Variants in SNX29 observed in about 807,000 individuals in gnomAD.
The protein encoded by SNX29 is sorting nexin-29.
In SNX29, 78 loss-of-function variants were observed where a neutral mutation model predicts 102.1. The observed-to-expected ratio is 0.76, with a 90% CI of 0.64 to 0.92. The LOEUF (loss-of-function observed/expected upper bound fraction) is 0.92. Ranked by LOEUF, SNX29 falls within the 40% of genes least tolerant of loss-of-function variation. The pLI is 0.00. For synonymous variants in SNX29, 580 were observed against 414.5 expected, an observed-to-expected ratio of 1.40 and a Z score of -4.85; for missense variants, 1,280 against 1,061.7, an observed-to-expected ratio of 1.21 and a Z score of -2.86.
chr16:12,561,923 C>A (rs144998163), intron 20 of SNX29, among the ~76,000 whole-genome samples: 2 of 152,136 alleles, frequency 1.3e-5, no homozygotes, highest in Non-Finnish European at 2.9e-5. Context: ...AGTTGCCTTC[C>A]AGGTGAGCTT....
intron 15 of SNX29, among the ~76,000 whole-genome samples, chr16:12,352,092 A>C (rs894534894): frequency 6.6e-6 from 1 of 152,226 alleles, no homozygotes; most frequent in African/African-American, 2.4e-5. Context: ...TGATTTAAAA[A>C]ATTTGATAGA....
chr16:12,442,143 G>C (rs1208939871), intron 18 of SNX29, among the ~76,000 whole-genome samples: 1 of 152,070 alleles, frequency 6.6e-6, no homozygotes, highest in East Asian at 1.9e-4. Flanking sequence ...TGGATACCCA[G>C]TTGTCCCAGC....
intron 14 of SNX29, among the ~76,000 whole-genome samples, chr16:12,268,451 G>T (rs919854047): frequency 1.3e-5 from 2 of 152,190 alleles, no homozygotes; most frequent in Non-Finnish European, 2.9e-5. Context: ...CTTGTTGCCC[G>T]TGTTTCTCCC....
chr16:12,321,901 G>T (rs944841889), intron 15 of SNX29, among the ~76,000 whole-genome samples: 1 of 152,210 alleles, frequency 6.6e-6, no homozygotes, highest in African/African-American at 2.4e-5. Context: ...AGGTGGCCCA[G>T]CGTGGATGAG....
chr16:12,129,459 C>G (rs1055141170), intron 12 of SNX29, among the ~76,000 whole-genome samples, 171 bp from the exon 13 acceptor site: 1 of 152,216 alleles, frequency 6.6e-6, no homozygotes, highest in Non-Finnish European at 1.5e-5. Flanking sequence ...CTAAGGCTAT[C>G]AATTAGAGTT....
chr16:12,072,116 G>A (rs548322758), intron 10 of SNX29, among the ~76,000 whole-genome samples: 58 of 152,296 alleles, frequency 3.8e-4, no homozygotes, highest in African/African-American at 1.3e-3. Context: ...TCTGCAAACA[G>A]GGACAATTTG....
Position 12,571,860 on chromosome 16 carries a change from A to G in SNX29, c.*3231A>G. ...AGTATGCTCCAATCACGTTGCTGGC[A>G]AGGCATTTTAGAGTTTGGAGCTGAG... is the stretch of plus-strand genomic sequence containing the variant. On this transcript the variant is annotated 3_prime_UTR_variant, in exon 21 of 21. Transcript: ENST00000566228. The G allele has an allele frequency of 2.8e-6, 3 of 1,061,030 alleles. No individual in the cohort carries two copies. Among genetic ancestry groups the G allele is most frequent in the Non-Finnish European group, 3.4e-6 (3 of 876,412 alleles). 65.7% of individuals were successfully genotyped at this position (1,061,030 alleles called of 1,614,324 possible).
chr16:12,536,146 G>C (rs74011365), intron 20 of SNX29, among the ~76,000 whole-genome samples: 1 of 152,204 alleles, frequency 6.6e-6, no homozygotes, highest in Non-Finnish European at 1.5e-5. Context: ...GCACTCGCCT[G>C]TGAGCGCAGA....
chr16:12,356,278 C>G lies in SNX29; in HGVS notation c.1898C>G (p.Pro633Arg), dbSNP rs751540938. ...CAGGAGCTCATCGATCTCCGGGGAC[C>G]GGTGAGTGTTTCCCCAACCCTGTGT... ...MRQELIDLRG[P>R]VPGDLSQTSE... Residue 633 changes from proline (P) to arginine (R), a missense_variant and splice_region_variant, in exon 16 of 21, where the codon CCG becomes CGG. Transcript: ENST00000566228. 1.3e-6 allele frequency: 2 copies of G among 1,596,850 alleles called. No individual in the cohort carries two copies. The highest frequency in any genetic ancestry group is 1.1e-5 in the South Asian group (1 of 87,882).
Position 12,568,629 on chromosome 16 carries a change from A to T in SNX29, c.2442A>T (p.Ter814CysextTer36). The change falls in exon 21 of 21, where the codon TGA (stop) becomes TGT (cysteine). Residue 814 changes from the stop codon to cysteine, a stop_lost. Transcript: ENST00000566228. The part of the protein sequence containing the change: ...RNVEPQSGDL[*>C] ...TGGAGCCCCAGAGCGGTGACCTCTG[A>T]CCTCGACAAAACCGCAGCCACGGGC... 1.9e-6 allele frequency: 3 copies of T among 1,602,420 alleles called. No individual in the cohort carries two copies. The highest frequency in any genetic ancestry group is 2.5e-6 in the Non-Finnish European group (3 of 1,179,726).
chr16:12,247,695 G>T (rs1432145554), intron 14 of SNX29, among the ~76,000 whole-genome samples: 1 of 152,262 alleles, frequency 6.6e-6, no homozygotes, highest in South Asian at 2.1e-4. Flanking sequence ...CAGCCTCAAG[G>T]TTTAAAAAGT....
chr16:12,322,693 TG>T (rs1435925817), intron 15 of SNX29, among the ~76,000 whole-genome samples: 3 of 151,776 alleles, frequency 2.0e-5, no homozygotes, highest in Non-Finnish European at 4.4e-5. Flanking sequence ...ACGCGGTCGC[TG>T]GGGACCACCG....
chr16:12,561,072 G>A (rs967954575), intron 20 of SNX29: 5 of 224,802 alleles, frequency 2.2e-5, no homozygotes, highest in Non-Finnish European at 4.4e-5. Context: ...AGGCCTTGAT[G>A]GATGTCAGCA....
intron 14 of SNX29, among the ~76,000 whole-genome samples, chr16:12,271,371 A>G (rs2079088194): frequency 6.6e-6 from 1 of 152,200 alleles, no homozygotes; most frequent in East Asian, 1.9e-4. Context: ...TTCTCTCCGT[A>G]GGAAGCTCGT....
chr16:12,364,047 C>T (rs1215420178), intron 16 of SNX29, among the ~76,000 whole-genome samples: 1 of 152,096 alleles, frequency 6.6e-6, no homozygotes, highest in East Asian at 1.9e-4. Context: ...GGCTGGAGTG[C>T]AGTGGCACCA....
intron 20 of SNX29, among the ~76,000 whole-genome samples, chr16:12,542,053 A>G (rs145387984): frequency 3.5e-4 from 53 of 152,222 alleles, no homozygotes; most frequent in African/African-American, 1.2e-3. Flanking sequence ...TTTGGCAAAG[A>G]TATTCCTAGT....
intron 10 of SNX29, among the ~76,000 whole-genome samples, chr16:12,076,204 G>C (rs1315566974): frequency 6.6e-6 from 1 of 152,154 alleles, no homozygotes; most frequent in Non-Finnish European, 1.5e-5. Flanking sequence ...GATGAACCCA[G>C]TGCCTCAGAT....
chr16:12,496,458 C>T (rs2088828759), intron 19 of SNX29, among the ~76,000 whole-genome samples: 1 of 151,140 alleles, frequency 6.6e-6, no homozygotes, highest in Non-Finnish European at 1.5e-5. Flanking sequence ...AGCACATGGT[C>T]CCAAGTCACC....
chr16:12,048,820 G>A (rs955415676), intron 7 of SNX29, among the ~76,000 whole-genome samples, 200 bp downstream of exon 7: 21 of 152,202 alleles, frequency 1.4e-4, no homozygotes, highest in African/African-American at 5.1e-4. Context: ...GAATTGCCGG[G>A]TGGAAAAATG....
Sources: allele counts gnomAD v4.1 joint callset (sites outside exome capture counted in the v4.1 genomes callset), GRCh38; gene constraint gnomAD v4.1.1; transcripts MANE v1.5; gene names NCBI Gene and HGNC (gene_info 2026-07-23, HGNC 2026-07-21).